CDK14: variants seen among roughly 807,000 people sequenced by gnomAD.
CDK14 encodes cyclin-dependent kinase 14.
CDK14 carries 34 observed loss-of-function variants against 60.7 expected under a neutral mutation model. The observed-to-expected ratio is 0.56, with a 90% CI of 0.43 to 0.75. The LOEUF (loss-of-function observed/expected upper bound fraction) is 0.75. CDK14 is among the 30% of genes least tolerant of loss of function. The probability of loss-of-function intolerance (pLI) is 0.00; values close to 1 mark genes in which losing one functional copy is unlikely to be tolerated. For missense variants in CDK14, 482 were observed against 564.1 expected, an observed-to-expected ratio of 0.85 and a Z score of 1.47; for synonymous variants, 197 against 203.7, an observed-to-expected ratio of 0.97 and a Z score of 0.28.
intron 2 of CDK14, among the ~76,000 whole-genome samples, chr7:90,686,738 C>T (rs879491390): frequency 2.7e-4 from 41 of 152,002 alleles, no homozygotes; most frequent in Admixed American, 2.5e-3. Context: ...GTAAGATTGG[C>T]GGAAAGTGGT....
intron 2 of CDK14, chr7:90,710,396 T>C: frequency 1.0e-6 from 1 of 985,322 alleles, no homozygotes; most frequent in Non-Finnish European, 1.2e-6. Flanking sequence ...AGACTACTTT[T>C]TCCATTTGAG....
At chr7:91,108,509 C>T in intron 12 of CDK14, among the ~76,000 whole-genome samples, 1 of 152,100 alleles carries the variant, frequency 6.6e-6, no homozygotes, top group South Asian at 2.1e-4. Context: ...TTTTAATGTC[C>T]TACAGAATTT....
intron 8 of CDK14, among the ~76,000 whole-genome samples, chr7:90,949,744 A>G (rs906846796): frequency 1.3e-5 from 2 of 152,224 alleles, no homozygotes; most frequent in East Asian, 1.9e-4. Flanking sequence ...AAAAAGTAGC[A>G]CTGTTGAAAG....
chr7:90,927,970 C>T (rs1415531557), intron 8 of CDK14, among the ~76,000 whole-genome samples: 2 of 152,142 alleles, frequency 1.3e-5, no homozygotes, highest in Non-Finnish European at 2.9e-5. Flanking sequence ...ATTCAATCTT[C>T]AATCACTGAT....
intron 6 of CDK14, among the ~76,000 whole-genome samples, chr7:90,879,166 A>G (rs1791659503): frequency 6.6e-6 from 1 of 152,220 alleles, no homozygotes; most frequent in Non-Finnish European, 1.5e-5. Context: ...CACTCCAGAG[A>G]GAGCCGATGC....
intron 2 of CDK14, among the ~76,000 whole-genome samples, chr7:90,640,346 A>C (rs1800295766): frequency 6.6e-6 from 1 of 152,198 alleles, no homozygotes; most frequent in African/African-American, 2.4e-5. Flanking sequence ...TTAATCTAGA[A>C]GAAAAATATT....
chr7:90,978,849 CAG>C (rs1404919825), intron 9 of CDK14, among the ~76,000 whole-genome samples: 1 of 152,138 alleles, frequency 6.6e-6, no homozygotes, highest in African/African-American at 2.4e-5. Flanking sequence ...AGTGAAAAAA[CAG>C]ATCATATTTA....
chr7:90,736,826 A>G (rs1033602134), intron 3 of CDK14, among the ~76,000 whole-genome samples: 6 of 152,100 alleles, frequency 3.9e-5, no homozygotes, highest in African/African-American at 1.4e-4. Context: ...GTATACATCT[A>G]TATGCTCTTC....
At chr7:90,635,589 T>G (rs1800124423) in intron 2 of CDK14, among the ~76,000 whole-genome samples, 1 of 152,210 alleles carries the variant, frequency 6.6e-6, no homozygotes, top group Non-Finnish European at 1.5e-5. Flanking sequence ...CTTTGTTCTT[T>G]TGTCTTAGGA....
intron 6 of CDK14, among the ~76,000 whole-genome samples, chr7:90,870,642 A>G (rs1160907391): frequency 6.6e-6 from 1 of 152,196 alleles, no homozygotes; most frequent in Non-Finnish European, 1.5e-5. Context: ...TTCATTATCT[A>G]GTCCCAGATA....
intron 5 of CDK14, among the ~76,000 whole-genome samples, chr7:90,839,372 CT>C (rs1202847653): frequency 2.0e-5 from 3 of 152,168 alleles, no homozygotes; most frequent in African/African-American, 7.2e-5. Context: ...CCCCTTGCCT[CT>C]GTTCAAGTAA....
chr7:90,654,241 T>C (rs953051237), intron 2 of CDK14, among the ~76,000 whole-genome samples: 2 of 152,188 alleles, frequency 1.3e-5, no homozygotes, highest in African/African-American at 4.8e-5. Flanking sequence ...CTGAGGAATT[T>C]ATAATAAAGG....
At chr7:90,874,686 G>GC (rs1184548150) in intron 6 of CDK14, among the ~76,000 whole-genome samples, 4 of 149,704 alleles carry the variant, frequency 2.7e-5, no homozygotes, top group African/African-American at 7.4e-5. Context: ...CCGCCACCGT[G>GC]CCCGGCTAAT....
chr7:91,178,109 A>G (rs994782235), intron 14 of CDK14, among the ~76,000 whole-genome samples: 1 of 26,702 alleles, frequency 3.7e-5, no homozygotes, highest in Non-Finnish European at 7.1e-5. Context: ...GTACCAAAAC[A>G]GAGATATAGA....
chr7:90,597,438 G>A (rs764574425), intron 1 of CDK14: 3 of 152,210 alleles, frequency 2.0e-5, no homozygotes, highest in African/African-American at 7.2e-5. Context: ...CATGTCACAG[G>A]TTGTAATAGG....
chr7:90,845,254 A>G (rs1790429629), intron 5 of CDK14, among the ~76,000 whole-genome samples: 1 of 152,184 alleles, frequency 6.6e-6, no homozygotes, highest in South Asian at 2.1e-4. Flanking sequence ...CATTGCATAT[A>G]TTCCTGAGTC....
At chr7:90,955,333 T>A (rs1228883438) in intron 8 of CDK14, among the ~76,000 whole-genome samples, 1 of 152,136 alleles carries the variant, frequency 6.6e-6, no homozygotes, top group South Asian at 2.1e-4. Context: ...CTAAATCTGT[T>A]TTTTCTCAGT....
chr7:90,929,158 C>A (rs1005701369), intron 8 of CDK14, among the ~76,000 whole-genome samples: 1 of 152,172 alleles, frequency 6.6e-6, no homozygotes, highest in Non-Finnish European at 1.5e-5. Flanking sequence ...GGGAATTCCC[C>A]GACCCCTTGC....
rs553995656 is a variant in CDK14, at chr7:90,596,666, C to A, written c.39C>A (p.Ile13=). ...DLIEPQPAEK[I]GKMKKLRRTL... ...TTGAGCCGCAGCCGGCCGAGAAGAT[C>A]GGCAAGATGAAGAAGTTGCGGAGAA... Residue 13 remains isoleucine, a synonymous_variant, in exon 1 of 15, where the codon ATC becomes ATA. Coordinates refer to ENST00000380050, the MANE Select transcript of CDK14 (RefSeq NM_001287135.2). 6.6e-5 allele frequency: 107 copies of A among 1,612,198 alleles called. 1 individual carries two copies. In the South Asian group the frequency reaches 1.1e-3, roughly 17 times the overall value.
Sources: allele counts gnomAD v4.1 joint callset (sites outside exome capture counted in the v4.1 genomes callset), GRCh38; gene constraint gnomAD v4.1.1; transcripts MANE v1.5; gene names NCBI Gene and HGNC (gene_info 2026-07-23, HGNC 2026-07-21).